The following PCNX2 variants were observed in gnomAD, a reference collection of about 807,000 sequenced individuals.
PCNX2 encodes pecanex-like protein 2.
In PCNX2, 168 loss-of-function variants were observed where a neutral mutation model predicts 223.8. The observed-to-expected ratio is 0.75, with a 90% CI of 0.66 to 0.85. The LOEUF is 0.85. Ranked by LOEUF, PCNX2 falls within the 40% of genes least tolerant of loss-of-function variation. The probability of loss-of-function intolerance (pLI) is 0.00; values close to 1 mark genes in which losing one functional copy is unlikely to be tolerated. For synonymous variants in PCNX2, 1,006 were observed against 1,052.6 expected (o/e 0.96, Z 0.86); for missense variants, 2,507 against 2,675.5 (o/e 0.94, Z 1.39).
the PCNX2 span, among the ~76,000 whole-genome samples, chr1:233,308,465 C>CA: frequency 0.19 from 27,035 of 145,458 alleles, 2,677 homozygotes; most frequent in African/African-American, 0.28. Context: ...TTTAAAAAAA[C>CA]AAAAAAAAGA....
At chr1:233,257,986 C>T (rs1285672966) in intron 5 of PCNX2, 42 bp downstream of exon 5, 8 of 1,580,748 alleles carry the variant, frequency 5.1e-6, no homozygotes, top group Non-Finnish European at 6.9e-6. Flanking sequence ...GGTGTATTGC[C>T]TTCTATGTCA....
At position 233,243,489 on chromosome 1, in the gene PCNX2, C is replaced by T. The variant is rs151174459; in HGVS notation, c.2223-6509G>A. Among the ~76,000 whole-genome samples the T allele has an allele frequency of 3.3e-5, 5 of 152,290 alleles. No individual in the cohort carries two copies. In the East Asian group the frequency reaches 7.7e-4, roughly 24 times the overall value. ...ATCTAATTGCATTAAAAGCCAAGGA[C>T]ATAATATTAAAGGACCTACTCTAAA... On this transcript the variant is annotated intron_variant, in intron 8 of 33. Coordinates refer to ENST00000258229, the MANE Select transcript of PCNX2 (RefSeq NM_014801.4).
chr1:233,217,764 A>G (rs1164517305), intron 12 of PCNX2, 135 bp downstream of exon 12: 5 of 863,060 alleles, frequency 5.8e-6, no homozygotes, highest in Non-Finnish European at 8.6e-6. Flanking sequence ...ATATATATAT[A>G]TATTTGATAT....
the PCNX2 span, among the ~76,000 whole-genome samples, chr1:233,310,421 T>C: frequency 3.9e-5 from 6 of 152,196 alleles, no homozygotes; most frequent in African/African-American, 1.4e-4. Context: ...ATCAAAAATA[T>C]GTAGAGGAGA....
chr1:233,163,551 A>T (rs1400547793), intron 17 of PCNX2, among the ~76,000 whole-genome samples: 1 of 151,620 alleles, frequency 6.6e-6, no homozygotes, highest in Non-Finnish European at 1.5e-5. Context: ...ATTATATAAC[A>T]TATATATAAT....
intron 8 of PCNX2, among the ~76,000 whole-genome samples, chr1:233,248,763 T>G (rs1558389744): frequency 6.6e-6 from 1 of 152,124 alleles, no homozygotes; most frequent in Non-Finnish European, 1.5e-5. Context: ...GGCCTGGTAT[T>G]CTGAGACTCT....
At chr1:233,322,263 G>C in the PCNX2 span, among the ~76,000 whole-genome samples, 1 of 152,006 alleles carries the variant, frequency 6.6e-6, no homozygotes, top group Non-Finnish European at 1.5e-5. Context: ...CTCTGTTCTT[G>C]TGTTGCGATA....
intron 23 of PCNX2, among the ~76,000 whole-genome samples, chr1:233,068,800 A>T (rs1672726662): frequency 6.6e-6 from 1 of 152,118 alleles, no homozygotes; most frequent in South Asian, 2.1e-4. Context: ...AATGAAAATT[A>T]CAAACAGAGC....
intron 1 of PCNX2, among the ~76,000 whole-genome samples, chr1:233,290,006 A>C (rs1661667245): frequency 6.6e-6 from 1 of 152,184 alleles, no homozygotes; most frequent in African/African-American, 2.4e-5. Flanking sequence ...TAGGAGAGGA[A>C]GTCTAGGTGA....
chr1:233,241,225 C>A (rs1441282229), intron 8 of PCNX2: 1 of 985,378 alleles, frequency 1.0e-6, no homozygotes, highest in East Asian at 1.1e-4. Context: ...GGCAGCAACA[C>A]CGTGGAAGTG....
At chr1:233,208,952 T>C (rs774380246) in intron 12 of PCNX2, among the ~76,000 whole-genome samples, 4 of 151,270 alleles carry the variant, frequency 2.6e-5, no homozygotes, top group Non-Finnish European at 5.9e-5. Flanking sequence ...CTCAACAAGA[T>C]TTACCTGAAA....
Position 232,986,539 on chromosome 1 carries a change from G to A in PCNX2, c.5793C>T (p.Gly1931=), listed in dbSNP as rs753166359. 3.3e-6 allele frequency: 5 copies of A among 1,517,384 alleles called. No homozygotes were observed. In the South Asian group the frequency reaches 6.6e-5, roughly 20 times the overall value. 94.0% of individuals were successfully genotyped at this position (1,517,384 alleles called of 1,614,324 possible). A position where few individuals can be genotyped will look rare whatever the true frequency, so the allele number is the denominator to read the frequency against. Residue 1931 remains glycine (G), a splice_region_variant and synonymous_variant, in exon 33 of 34, where the codon GGC becomes GGT. Transcript: ENST00000258229. ...VSSCEGTQRT[G]RRKGRSQSVQ... ...CGGACTGGCTCCTGCCTTTCCTCCT[G>A]CCTTTAAAAGAAAGCAGAACACAGA...
Position 233,000,896 on chromosome 1 carries a change from T to A in PCNX2, c.5098-361A>T, listed in dbSNP as rs969943416. On this transcript the variant is annotated intron_variant, in intron 29 of 33. Coordinates refer to ENST00000258229, the MANE Select transcript of PCNX2 (RefSeq NM_014801.4). This position sits in a 1 kb window ranked among gnomAD's most constrained non-coding sequence, Gnocchi z 4.6. Reference sequence around the variant, plus strand: ...AGCTGCTCTTGAGGGCAAATCACCATTGGCTAAAGTCAAGACTATCTGGAC... The same window carrying A: ...AGCTGCTCTTGAGGGCAAATCACCAATGGCTAAAGTCAAGACTATCTGGAC... Among the ~76,000 whole-genome samples, 1 of 152,200 alleles carries A rather than the reference T, an allele frequency of 6.6e-6. No individual in the cohort carries two copies. Among genetic ancestry groups the A allele is most frequent in the African/African-American group, 2.4e-5 (1 of 41,438 alleles).
At position 233,072,218 on chromosome 1, in the gene PCNX2, T is replaced by G. The variant is rs529209213; in HGVS notation, c.4077-14928A>C. On this transcript the variant is annotated intron_variant, in intron 23 of 33. Coordinates refer to ENST00000258229, the MANE Select transcript of PCNX2 (RefSeq NM_014801.4). ...ATGTCTTCATCATGAAATCTTTGTC[T>G]GTTCCTATATCAAAATGGTATTGCC... is the stretch of plus-strand genomic sequence containing the variant. Among the ~76,000 whole-genome samples the G allele has an allele frequency of 2.6e-5, 4 of 152,306 alleles. No individual in the cohort carries two copies. The South Asian group carries it at 8.3e-4, about 32-fold the overall frequency.
At chr1:233,011,051 C>G (rs1194306094) in intron 28 of PCNX2, among the ~76,000 whole-genome samples, 2 of 152,156 alleles carry the variant, frequency 1.3e-5, no homozygotes, top group East Asian at 3.9e-4. Flanking sequence ...CTACAGTACA[C>G]CTAAGGACAT....
Position 233,135,523 on chromosome 1 carries a change from A to G in PCNX2, c.3660-333T>C, listed in dbSNP as rs1676753691. Among the ~76,000 whole-genome samples the G allele has an allele frequency of 3.3e-5, 5 of 152,198 alleles. No individual in the cohort carries two copies. In the South Asian group the frequency reaches 1.0e-3, roughly 32 times the overall value. ...GTCCCTCATGTTCTCCAGCAAGGGC[A>G]CAGAGCTCCTTCTGAGCTTGTCTGA... is the stretch of plus-strand genomic sequence containing the variant. On this transcript the variant is annotated intron_variant, in intron 20 of 33. Transcript: ENST00000258229.
intron 15 of PCNX2, among the ~76,000 whole-genome samples, chr1:233,188,047 G>A (rs1053457257): frequency 3.3e-5 from 5 of 152,128 alleles, no homozygotes; most frequent in Admixed American, 1.3e-4. Flanking sequence ...TTCTATTGCC[G>A]TGTAACAAAT....
intron 21 of PCNX2, among the ~76,000 whole-genome samples, chr1:233,104,526 T>C (rs1674656921): frequency 6.6e-6 from 1 of 151,958 alleles, no homozygotes; most frequent in Admixed American, 6.6e-5. Flanking sequence ...GAAGTAAAAA[T>C]AGGTAGAATT....
At chr1:233,175,841 A>G (rs1679447156) in intron 17 of PCNX2, among the ~76,000 whole-genome samples, 2 of 152,152 alleles carry the variant, frequency 1.3e-5, no homozygotes, top group Admixed American at 6.6e-5. Context: ...CTTGTAGTGG[A>G]AAAAAAGCCT....
Sources: allele counts gnomAD v4.1 joint callset (sites outside exome capture counted in the v4.1 genomes callset), GRCh38; gene constraint gnomAD v4.1.1; non-coding constraint Gnocchi (gnomAD v3.1); transcripts MANE v1.5; gene names NCBI Gene and HGNC (gene_info 2026-07-23, HGNC 2026-07-21).